The following KCNQ1 variants were observed in gnomAD, a reference collection of about 807,000 sequenced individuals.
The protein encoded by KCNQ1 is potassium voltage-gated channel subfamily Q member 1.
A neutral mutation model predicts 72.4 loss-of-function variants in KCNQ1; 49 were observed. That is an observed-to-expected ratio of 0.68 (90% confidence interval 0.54 to 0.86). KCNQ1 has a LOEUF of 0.86. Ranked by LOEUF, KCNQ1 falls within the 40% of genes least tolerant of loss-of-function variation. The pLI, the probability that KCNQ1 is intolerant of heterozygous loss-of-function variation, is 0.00. For missense variants in KCNQ1, 790 were observed against 945.1 expected (o/e 0.84, Z 2.15); for synonymous variants, 450 against 412.6 (o/e 1.09, Z -1.10).
rs55865890 is a variant in KCNQ1 at position 2,501,718 on chromosome 11, C to CAAAAAAAAA, written c.387-26189_387-26181dup. Among the ~76,000 whole-genome samples the CAAAAAAAAA allele has an allele frequency of 7.1e-4, 49 of 68,904 alleles. 1 individual carries two copies. The highest frequency in any genetic ancestry group is 1.1e-3 in the Non-Finnish European group (37 of 34,646). The allele number at this position is 68,904 out of a possible 152,430, so 45.2% of individuals were successfully genotyped here. A position where few individuals can be genotyped will look rare whatever the true frequency, so the allele number is the denominator to read the frequency against. ...TTACCAAAACCAGACAAAGATACATCAAAAAAAAAAAAAAAAAAAAAAAAA... is the reference window on the plus strand; with the variant it reads ...TTACCAAAACCAGACAAAGATACATCAAAAAAAAAAAAAAAAAAAAAAAAAAAAAAAAAA... On this transcript the variant is annotated intron_variant, in intron 1 of 15. Coordinates refer to ENST00000155840, the MANE Select transcript of KCNQ1 (RefSeq NM_000218.3).
At chr11:2,619,455 TTAGTA>T (rs1849127303) in intron 10 of KCNQ1, 7 of 398,510 alleles carry the variant, frequency 1.8e-5, no homozygotes, top group Non-Finnish European at 3.1e-5. Flanking sequence ...TTTCAGTCTG[TTAGTA>T]TCACATTGAT....
intron 11 of KCNQ1, among the ~76,000 whole-genome samples, chr11:2,701,977 T>A (rs558630641): frequency 1.3e-5 from 2 of 152,332 alleles, no homozygotes; most frequent in Admixed American, 6.5e-5. Flanking sequence ...GAATGTTGAG[T>A]TGAGGGTGGC....
At chr11:2,496,103 CT>C (rs1408159465) in intron 1 of KCNQ1, among the ~76,000 whole-genome samples, 1 of 152,024 alleles carries the variant, frequency 6.6e-6, no homozygotes, top group East Asian at 1.9e-4. Context: ...TCTTCTTTGT[CT>C]TTTTTTATCT....
chr11:2,633,819 A>G (rs756686293), intron 10 of KCNQ1: 54 of 398,514 alleles, frequency 1.4e-4, no homozygotes, highest in Non-Finnish European at 2.0e-4. Context: ...ACCAAAAGCC[A>G]TGTATATTCA....
chr11:2,584,711 A>C (rs1208064032), intron 7 of KCNQ1, among the ~76,000 whole-genome samples: 1 of 150,590 alleles, frequency 6.6e-6, no homozygotes, highest in African/African-American at 2.4e-5. Context: ...GTTAGTGTGC[A>C]TATCTATTGT....
At position 2,565,333 on chromosome 11, in the gene KCNQ1, T is replaced by C. The variant is rs1311157552; in HGVS notation, c.478-5295T>C. ...CCACCCTAATGGATGAGAGGTGGCATCTCGTTGTGGTCTTGATTTGCATTT... is the reference window on the plus strand; with the variant it reads ...CCACCCTAATGGATGAGAGGTGGCACCTCGTTGTGGTCTTGATTTGCATTT... On this transcript the variant is annotated intron_variant, in intron 2 of 15. Coordinates refer to ENST00000155840, the MANE Select transcript of KCNQ1 (RefSeq NM_000218.3). This position sits in a 1 kb window ranked among gnomAD's most constrained non-coding sequence, Gnocchi z 5.6. 6.6e-6 allele frequency among the ~76,000 whole-genome samples: 1 copy of C among 152,126 alleles called. No individual in the cohort carries two copies. The highest frequency in any genetic ancestry group is 1.5e-5 in the Non-Finnish European group (1 of 68,034).
intron 1 of KCNQ1, among the ~76,000 whole-genome samples, chr11:2,465,549 T>C (rs1846340177): frequency 6.6e-6 from 1 of 152,220 alleles, no homozygotes; most frequent in African/African-American, 2.4e-5. Flanking sequence ...TCACACAGCT[T>C]GTGCGTAGCA....
rs1255266129 is a variant in KCNQ1 at position 2,745,581 on chromosome 11, C to T, written c.1515-23263C>T. On this transcript the variant is annotated intron_variant, in intron 11 of 15. Transcript: ENST00000155840. This position sits in a 1 kb window ranked among gnomAD's most constrained non-coding sequence, Gnocchi z 6.2. Reference sequence around the variant, plus strand: ...GAGGAGTCAGCGTGACCACAGGCCCCCATTCCCCAGCCCCTAATGTTCTTG... The same window carrying T: ...GAGGAGTCAGCGTGACCACAGGCCCTCATTCCCCAGCCCCTAATGTTCTTG... Among the ~76,000 whole-genome samples the T allele has an allele frequency of 6.6e-6, 1 of 152,230 alleles. No individual in the cohort carries two copies. Among genetic ancestry groups the T allele is most frequent in the Non-Finnish European group, 1.5e-5 (1 of 68,038 alleles).
At chr11:2,777,574 A>C (rs81205) in intron 14 of KCNQ1, 283,831 of 541,678 alleles carry the variant, frequency 0.52, 76,877 homozygotes, top group African/African-American at 0.73. Flanking sequence ...GCCCAGATGC[A>C]AACAGCAGCC....
chr11:2,545,501 A>G (rs1283347646), intron 2 of KCNQ1, among the ~76,000 whole-genome samples: 1 of 151,980 alleles, frequency 6.6e-6, no homozygotes, highest in African/African-American at 2.4e-5. Context: ...TTGATTGATA[A>G]TAATTATATT....
intron 11 of KCNQ1, 31 bp downstream of exon 11, chr11:2,662,112 G>A (rs758842606): frequency 6.2e-7 from 1 of 1,613,912 alleles, no homozygotes; most frequent in South Asian, 1.1e-5. Context: ...GAAGGGCTGG[G>A]CTGGAGGGGA....
In KCNQ1 at chr11:2,682,826, T is replaced by C. The variant is rs2283185; in HGVS notation, c.1514+20745T>C. On this transcript the variant is annotated intron_variant, in intron 11 of 15. Coordinates refer to ENST00000155840, the MANE Select transcript of KCNQ1 (RefSeq NM_000218.3). The surrounding 1 kb of genome is among the most constrained non-coding windows in gnomAD (Gnocchi z 5.8). Reference sequence around the variant, plus strand: ...GACTTGCAGTGATCCTCCTGGGGCCTTGTATAGAAGAGACCATCTCAGTTT... The same window carrying C: ...GACTTGCAGTGATCCTCCTGGGGCCCTGTATAGAAGAGACCATCTCAGTTT... 5,868 of 398,570 alleles carry C rather than the reference T, an allele frequency of 0.015. 204 individuals carry two copies. Among genetic ancestry groups the C allele is most frequent in the East Asian group, 0.097 (2,715 of 28,070 alleles). 24.7% of individuals were successfully genotyped at this position (398,570 alleles called of 1,614,324 possible). A position where few individuals can be genotyped will look rare whatever the true frequency, so the allele number is the denominator to read the frequency against.
rs141480262 is a variant in KCNQ1, at chr11:2,629,608, A to T, written c.1394-32353A>T. Reference sequence around the variant, plus strand: ...AGAGAATCCATTTGCCATTGAATGGACATGGCATGCTTGTCAGAAATCATG... The same window carrying T: ...AGAGAATCCATTTGCCATTGAATGGTCATGGCATGCTTGTCAGAAATCATG... On this transcript the variant is annotated intron_variant, in intron 10 of 15. Transcript: ENST00000155840. 7 of 398,494 alleles carry T rather than the reference A, an allele frequency of 1.8e-5. 1 individual carries two copies. Among genetic ancestry groups the T allele is most frequent in the African/African-American group, 4.1e-5 (2 of 48,744 alleles). 24.7% of individuals were successfully genotyped at this position (398,494 alleles called of 1,614,324 possible).
intron 10 of KCNQ1, chr11:2,614,599 G>T (rs1849031364): frequency 2.5e-6 from 1 of 398,360 alleles, no homozygotes; most frequent in Non-Finnish European, 4.4e-6. Flanking sequence ...TGATATATGA[G>T]GATCCAGTTG....
At chr11:2,510,405 C>T (rs1453070523) in intron 1 of KCNQ1, among the ~76,000 whole-genome samples, 1 of 152,120 alleles carries the variant, frequency 6.6e-6, no homozygotes, top group East Asian at 1.9e-4. Context: ...TGAGACCAGC[C>T]TGACCTGCCT....
At chr11:2,640,496 G>T in intron 10 of KCNQ1, 1 of 397,968 alleles carries the variant, frequency 2.5e-6, no homozygotes, top group South Asian at 1.3e-4. Flanking sequence ...TTGTTGCCCA[G>T]GCTGGTCTTG....
At chr11:2,557,669 G>C (rs1484756563) in intron 2 of KCNQ1, among the ~76,000 whole-genome samples, 1 of 152,192 alleles carries the variant, frequency 6.6e-6, no homozygotes, top group Non-Finnish European at 1.5e-5. Context: ...TCCTGTTCAT[G>C]AGGGCTTCTC....
chr11:2,632,807 T>A, intron 10 of KCNQ1: 1 of 398,460 alleles, frequency 2.5e-6, no homozygotes, highest in Non-Finnish European at 4.4e-6. Flanking sequence ...CCACATTCTT[T>A]CTCTGCATCT....
rs1241232452 is a variant in KCNQ1 at position 2,473,626 on chromosome 11, A to G, written c.386+28142A>G. Among the ~76,000 whole-genome samples, 1 of 152,184 alleles carries G rather than the reference A, an allele frequency of 6.6e-6. No homozygotes were observed. The highest frequency in any genetic ancestry group is 2.4e-5 in the African/African-American group (1 of 41,458). On this transcript the variant is annotated intron_variant, in intron 1 of 15. Coordinates refer to ENST00000155840, the MANE Select transcript of KCNQ1 (RefSeq NM_000218.3). The surrounding 1 kb of genome is among the most constrained non-coding windows in gnomAD (Gnocchi z 6.0). ...AGGGTGTGCGGCCGGCATCATCCTC[A>G]GGGAACTCTGGAGGGACTGGGCCTC... is the stretch of plus-strand genomic sequence containing the variant.
Sources: gnomAD v4.1 joint callset for allele counts (sites outside exome capture counted in the v4.1 genomes callset) on GRCh38, gnomAD v4.1.1 for gene constraint, Gnocchi (gnomAD v3.1) non-coding constraint, MANE v1.5 for transcripts, NCBI Gene and HGNC (gene_info 2026-07-23, HGNC 2026-07-21) for gene names.